SCG3: variants seen among roughly 807,000 people sequenced by gnomAD.
SCG3 encodes secretogranin-3.
Under a neutral mutation model 56.2 loss-of-function variants are expected in SCG3, and 38 were observed. The observed-to-expected ratio is 0.68, with a 90% CI of 0.52 to 0.89. SCG3 has a LOEUF of 0.89. Ranked by LOEUF, SCG3 falls within the 40% of genes least tolerant of loss-of-function variation. The pLI, the probability that SCG3 is intolerant of heterozygous loss-of-function variation, is 0.00. For synonymous variants in SCG3, 176 were observed against 184.2 expected, an observed-to-expected ratio of 0.96 and a Z score of 0.36; for missense variants, 524 against 540.7, an observed-to-expected ratio of 0.97 and a Z score of 0.31.
rs8036726 is a variant in SCG3 at position 51,685,331 on chromosome 15, T to G, written c.397+1897T>G. Reference sequence around the variant, plus strand: ...TTGATTTAATAAAATAGCCTAATATTGAGTTGGCTGGATTGGTCAAACTTG... The same window carrying G: ...TTGATTTAATAAAATAGCCTAATATGGAGTTGGCTGGATTGGTCAAACTTG... On this transcript the variant is annotated intron_variant, in intron 4 of 11. Coordinates refer to ENST00000220478, the MANE Select transcript of SCG3 (RefSeq NM_013243.4). 4.0e-3 allele frequency among the ~76,000 whole-genome samples: 611 copies of G among 152,342 alleles called. 3 individuals are homozygous for G. The highest frequency in any genetic ancestry group is 0.013 in the African/African-American group (542 of 41,576).
intron 10 of SCG3, among the ~76,000 whole-genome samples, chr15:51,707,087 C>G (rs1404813441): frequency 6.6e-6 from 1 of 152,132 alleles, no homozygotes; most frequent in Non-Finnish European, 1.5e-5. Flanking sequence ...GATGTTTACT[C>G]ATTCACATCT....
intron 4 of SCG3, among the ~76,000 whole-genome samples, chr15:51,685,800 A>G (rs994718909): frequency 6.6e-6 from 1 of 152,200 alleles, no homozygotes; most frequent in Non-Finnish European, 1.5e-5. Flanking sequence ...TTTCTATAGT[A>G]TGCACAATTT....
At chr15:51,684,306 C>T (rs145117608) in intron 4 of SCG3, among the ~76,000 whole-genome samples, 14 of 152,280 alleles carry the variant, frequency 9.2e-5, no homozygotes, top group African/African-American at 2.9e-4. Flanking sequence ...GCAACCACTC[C>T]GCCTCTCCCC....
chr15:51,687,139 T>G (rs1202085165), intron 4 of SCG3, among the ~76,000 whole-genome samples: 6 of 152,232 alleles, frequency 3.9e-5, no homozygotes, highest in East Asian at 1.9e-4. Context: ...ACAAATCCAC[T>G]GTGCATAATA....
In SCG3 at chr15:51,717,785, T is replaced by C. The variant is rs186487565; in HGVS notation, c.1289-1623T>C. 4.6e-5 allele frequency among the ~76,000 whole-genome samples: 7 copies of C among 152,322 alleles called. No homozygotes were observed. The East Asian group carries it at 1.4e-3, about 29-fold the overall frequency. On this transcript the variant is annotated intron_variant, in intron 11 of 11. Coordinates refer to ENST00000220478, the MANE Select transcript of SCG3 (RefSeq NM_013243.4). ...ACGTGTTCACCTATCTGGAAGCTCC[T>C]GAACCCTGTCCTCTTGGGCCTTTCA...
chr15:51,694,427 GA>G (rs939991779), intron 7 of SCG3, among the ~76,000 whole-genome samples: 2 of 152,026 alleles, frequency 1.3e-5, no homozygotes, highest in Non-Finnish European at 2.9e-5. Context: ...CAGGCAAGTG[GA>G]AAAAAAGAAA....
chr15:51,690,499 G>A (rs562613143), intron 6 of SCG3, among the ~76,000 whole-genome samples: 5 of 151,734 alleles, frequency 3.3e-5, no homozygotes, highest in Admixed American at 6.6e-5. Flanking sequence ...AGAGAGGAGA[G>A]AAAATAGAAA....
rs544211390 is a variant in SCG3, at chr15:51,691,053, T to C, written c.691-1106T>C. 1.4e-4 allele frequency among the ~76,000 whole-genome samples: 21 copies of C among 152,324 alleles called. No homozygotes were observed. The South Asian group carries it at 4.4e-3, about 32-fold the overall frequency. ...GAGACCTCAAAAAAGGAGGCTGACC[T>C]GGACTTAGGCTCAGGAAATGCTTCC... On this transcript the variant is annotated intron_variant, in intron 6 of 11. Transcript: ENST00000220478.
At chr15:51,717,886 C>A (rs1731283083) in intron 11 of SCG3, among the ~76,000 whole-genome samples, 1 of 152,208 alleles carries the variant, frequency 6.6e-6, no homozygotes, top group South Asian at 2.1e-4. Flanking sequence ...GGTCTAAACC[C>A]AGTAAGGCCT....
intron 10 of SCG3, among the ~76,000 whole-genome samples, chr15:51,711,723 A>C (rs2055421988): frequency 6.6e-6 from 1 of 152,212 alleles, no homozygotes; most frequent in Non-Finnish European, 1.5e-5. Flanking sequence ...GGCCTCAAAC[A>C]ATCCTCCCTC....
At chr15:51,682,200 A>C (rs1466890526) in intron 1 of SCG3, among the ~76,000 whole-genome samples, 1 of 152,162 alleles carries the variant, frequency 6.6e-6, no homozygotes, top group African/African-American at 2.4e-5. Context: ...CAATAATACC[A>C]ATCCAAATTA....
chr15:51,697,187 T>G (rs1206352438), intron 8 of SCG3, among the ~76,000 whole-genome samples: 1 of 145,724 alleles, frequency 6.9e-6, no homozygotes, highest in Non-Finnish European at 1.5e-5. Context: ...TTCTTTCTCT[T>G]ATATAACAAA....
At chr15:51,697,733 T>C (rs573789385) in intron 8 of SCG3, among the ~76,000 whole-genome samples, 26 of 152,372 alleles carry the variant, frequency 1.7e-4, no homozygotes, top group African/African-American at 6.3e-4. Context: ...TAAATAATTA[T>C]ATCTGCTCCT....
At chr15:51,718,487 T>C (rs138836179) in intron 11 of SCG3, among the ~76,000 whole-genome samples, 2 of 152,272 alleles carry the variant, frequency 1.3e-5, no homozygotes, top group Admixed American at 6.5e-5. Context: ...CAGGCTCAGA[T>C]TACATTCAGG....
Position 51,689,237 on chromosome 15 carries a change from C to T in SCG3, c.559C>T (p.His187Tyr), listed in dbSNP as rs765079363. The T allele has an allele frequency of 1.2e-6, 2 of 1,613,778 alleles. No individual in the cohort carries two copies. Among genetic ancestry groups the T allele is most frequent in the Non-Finnish European group, 1.7e-6 (2 of 1,179,816 alleles). The change falls in exon 6 of 12, where the codon CAT becomes TAT. Residue 187 changes from histidine to tyrosine, a missense_variant. Transcript: ENST00000220478. ...ATGATAGATCACAGAAAGCCAAGCACATACACTGGAAGATGAAGTAGCAGA... is the reference window on the plus strand; with the variant it reads ...ATGATAGATCACAGAAAGCCAAGCATATACACTGGAAGATGAAGTAGCAGA... ...NLGLITESQA[H>Y]TLEDEVAEVL...
chr15:51,707,803 A>G (rs1425640594), intron 10 of SCG3, among the ~76,000 whole-genome samples: 1 of 152,246 alleles, frequency 6.6e-6, no homozygotes, highest in African/African-American at 2.4e-5. Context: ...ATGCGTCAGT[A>G]TCAGTTGCTT....
At chr15:51,711,334 C>A (rs1237491935) in intron 10 of SCG3, among the ~76,000 whole-genome samples, 1 of 151,956 alleles carries the variant, frequency 6.6e-6, no homozygotes, top group Non-Finnish European at 1.5e-5. Context: ...TTTCCTTATC[C>A]CAAAAAAGCT....
At chr15:51,692,580 T>A (rs2055274787) in intron 7 of SCG3, among the ~76,000 whole-genome samples, 3 of 152,198 alleles carry the variant, frequency 2.0e-5, no homozygotes. Context: ...GTTCATTTAT[T>A]TGTTCAGCAA....
intron 10 of SCG3, among the ~76,000 whole-genome samples, chr15:51,704,275 A>G (rs1287939105): frequency 2.2e-5 from 3 of 134,530 alleles, no homozygotes; most frequent in African/African-American, 5.9e-5. Flanking sequence ...ATATATATAT[A>G]TATAAAATAG....
Sources: gnomAD v4.1 joint callset for allele counts (sites outside exome capture counted in the v4.1 genomes callset) on GRCh38, gnomAD v4.1.1 for gene constraint, MANE v1.5 for transcripts, NCBI Gene and HGNC (gene_info 2026-07-23, HGNC 2026-07-21) for gene names.